The following SLC44A5 variants were observed in gnomAD, a reference collection of about 807,000 sequenced individuals.
SLC44A5 encodes solute carrier family 44 member 5.
SLC44A5 carries 57 observed loss-of-function variants against 101.8 expected under a neutral mutation model. The observed-to-expected ratio is 0.56, with a 90% CI of 0.45 to 0.70. The LOEUF (loss-of-function observed/expected upper bound fraction) is 0.70, where lower values mean the gene tolerates loss of function less well. SLC44A5 is among the 30% of genes least tolerant of loss of function. SLC44A5 has a pLI of 0.00. For missense variants in SLC44A5, 737 were observed against 853.1 expected (o/e 0.86, Z 1.70); for synonymous variants, 281 against 290.9 (o/e 0.97, Z 0.35).
At chr1:75,393,445 T>C (rs1014347799) in intron 3 of SLC44A5, among the ~76,000 whole-genome samples, 21 of 152,316 alleles carry the variant, frequency 1.4e-4, no homozygotes, top group African/African-American at 5.1e-4. Context: ...CTTTATCCTG[T>C]ATACTTTAAA....
chr1:75,618,162 G>A, the SLC44A5 span, among the ~76,000 whole-genome samples: 1 of 152,320 alleles, frequency 6.6e-6, no homozygotes, highest in Admixed American at 6.5e-5. Flanking sequence ...CTTCCACAAT[G>A]TCAGTACTAT....
At chr1:75,524,108 T>C (rs935061304) in intron 2 of SLC44A5, among the ~76,000 whole-genome samples, 5 of 152,172 alleles carry the variant, frequency 3.3e-5, no homozygotes, top group African/African-American at 9.7e-5. Context: ...TGGGAGGTGA[T>C]TGGATCCTGG....
At chr1:75,302,298 G>A (rs1654552108) in intron 4 of SLC44A5, among the ~76,000 whole-genome samples, 1 of 151,730 alleles carries the variant, frequency 6.6e-6, no homozygotes, top group Non-Finnish European at 1.5e-5. Flanking sequence ...AAGAAACTCA[G>A]AGAGAAAAAA....
the SLC44A5 span, among the ~76,000 whole-genome samples, chr1:75,691,584 A>G: frequency 1.3e-5 from 2 of 152,190 alleles, no homozygotes; most frequent in African/African-American, 4.8e-5. Context: ...CTGAGTAACA[A>G]TATGGTCTCA....
chr1:75,688,633 G>A, the SLC44A5 span, among the ~76,000 whole-genome samples: 5 of 152,044 alleles, frequency 3.3e-5, no homozygotes, highest in Non-Finnish European at 5.9e-5. Flanking sequence ...TCAAAGCCTC[G>A]GGGGCTGTGA....
intron 4 of SLC44A5, among the ~76,000 whole-genome samples, chr1:75,306,759 G>C (rs1249827155): frequency 1.9e-5 from 1 of 51,860 alleles, no homozygotes; most frequent in African/African-American, 9.9e-5. Context: ...TTTTGAGACG[G>C]AGTCTTGCTC....
At chr1:75,401,058 T>G (rs1032491377) in intron 2 of SLC44A5, among the ~76,000 whole-genome samples, 6 of 152,184 alleles carry the variant, frequency 3.9e-5, no homozygotes, top group Non-Finnish European at 8.8e-5. Context: ...ACCCTCATTC[T>G]ACTCACTGGC....
At chr1:75,612,771 T>G (rs147276528), upstream of SLC44A5, among the ~76,000 whole-genome samples, 1 of 150,974 alleles carries the variant, frequency 6.6e-6, no homozygotes, top group Non-Finnish European at 1.5e-5. Context: ...GTTTTACACT[T>G]AAGTAATTGA....
the SLC44A5 span, among the ~76,000 whole-genome samples, chr1:75,716,131 G>C: frequency 6.6e-6 from 1 of 152,156 alleles, no homozygotes; most frequent in African/African-American, 2.4e-5. Context: ...ACACCAGTCA[G>C]AATCTCTATC....
At chr1:75,302,821 A>T (rs1429216487) in intron 4 of SLC44A5, among the ~76,000 whole-genome samples, 1 of 152,230 alleles carries the variant, frequency 6.6e-6, no homozygotes, top group Non-Finnish European at 1.5e-5. Context: ...AAGGGCAGGC[A>T]GGTTAGGTGG....
chr1:75,355,870 A>T (rs1303995774), intron 3 of SLC44A5, among the ~76,000 whole-genome samples: 3 of 152,082 alleles, frequency 2.0e-5, no homozygotes, highest in Admixed American at 2.0e-4. Flanking sequence ...TTATTTTTTA[A>T]AAAAACCCAG....
At chr1:75,540,017 C>T (rs1671271125) in intron 2 of SLC44A5, among the ~76,000 whole-genome samples, 1 of 151,802 alleles carries the variant, frequency 6.6e-6, no homozygotes. Flanking sequence ...TATTGTTAGA[C>T]ATGGTAGAAA....
chr1:75,318,355 C>A (rs956613835), intron 4 of SLC44A5, among the ~76,000 whole-genome samples: 2 of 144,682 alleles, frequency 1.4e-5, no homozygotes, highest in African/African-American at 5.2e-5. Flanking sequence ...CCAGCCTGGG[C>A]AAAATCCCAT....
chr1:75,330,714 T>C (rs1369573877), intron 4 of SLC44A5, among the ~76,000 whole-genome samples: 1 of 152,178 alleles, frequency 6.6e-6, no homozygotes, highest in Non-Finnish European at 1.5e-5. Flanking sequence ...GAAAGTGTTG[T>C]CTTTATTGCC....
chr1:75,537,037 T>A (rs370246811), intron 2 of SLC44A5, among the ~76,000 whole-genome samples: 7,832 of 59,842 alleles, frequency 0.13, 1,019 homozygotes, highest in Admixed American at 0.2. Context: ...AAAAAAAATA[T>A]ATATCTATGC....
intron 13 of SLC44A5, among the ~76,000 whole-genome samples, chr1:75,226,315 G>A (rs1025008696): frequency 1.3e-5 from 2 of 152,002 alleles, no homozygotes; most frequent in Admixed American, 1.3e-4. Context: ...GTGCTGCTCA[G>A]CTAGGTCATC....
chr1:75,262,945 C>A (rs140257817), intron 6 of SLC44A5, among the ~76,000 whole-genome samples: 1,778 of 152,266 alleles, frequency 0.012, 36 homozygotes, highest in African/African-American at 0.041. Flanking sequence ...AAAGCTGAAA[C>A]TGGATCCCTT....
chr1:75,276,433 TC>T, intron 5 of SLC44A5, among the ~76,000 whole-genome samples: 1 of 152,194 alleles, frequency 6.6e-6, no homozygotes, highest in Non-Finnish European at 1.5e-5. Flanking sequence ...AAAGCTTTAT[TC>T]TAAAATGCCT....
chr1:75,222,300 G>T, intron 14 of SLC44A5, 61 bp downstream of exon 14: 1 of 1,218,248 alleles, frequency 8.2e-7, no homozygotes, highest in South Asian at 1.2e-5. Flanking sequence ...TTATGCAAGG[G>T]ACAGTGACTG....
Sources: gnomAD v4.1 joint callset for allele counts (sites outside exome capture counted in the v4.1 genomes callset) on GRCh38, gnomAD v4.1.1 for gene constraint, MANE v1.5 for transcripts, NCBI Gene and HGNC (gene_info 2026-07-23, HGNC 2026-07-21) for gene names.